SWT1: variants seen among roughly 807,000 people sequenced by gnomAD.
SWT1 encodes the protein transcriptional protein SWT1.
Under a neutral mutation model 107.3 loss-of-function variants are expected in SWT1, and 33 were observed. The ratio of observed to expected loss-of-function variants is 0.31; its 90% confidence interval spans 0.23 to 0.41. The LOEUF is 0.41. Ranked by LOEUF, SWT1 falls within the 10% of genes least tolerant of loss-of-function variation. The pLI is 1.00. For missense variants in SWT1, 898 were observed against 1,028.9 expected (o/e 0.87, Z 1.74); for synonymous variants, 345 against 348.3 (o/e 0.99, Z 0.11).
intron 16 of SWT1, among the ~76,000 whole-genome samples, chr1:185,255,709 A>G (rs1662445853): frequency 7.0e-6 from 1 of 142,698 alleles, no homozygotes; most frequent in Non-Finnish European, 1.5e-5. Context: ...AATACAGCAC[A>G]CTGATGGGTC....
intron 16 of SWT1, among the ~76,000 whole-genome samples, chr1:185,250,239 C>T (rs114581119): frequency 9.2e-5 from 14 of 152,134 alleles, no homozygotes; most frequent in South Asian, 2.1e-4. Context: ...GTGATCTTCT[C>T]GCCTCAGCCT....
intron 13 of SWT1, among the ~76,000 whole-genome samples, chr1:185,213,712 A>G (rs1486071842): frequency 1.3e-5 from 2 of 152,166 alleles, no homozygotes; most frequent in Admixed American, 6.5e-5. Flanking sequence ...TTCTGCTTTA[A>G]TAATGGAAAT....
intron 17 of SWT1, among the ~76,000 whole-genome samples, chr1:185,272,552 A>G (rs1663946203): frequency 6.6e-6 from 1 of 152,212 alleles, no homozygotes; most frequent in Non-Finnish European, 1.5e-5. Flanking sequence ...CTCTGAAGTC[A>G]AACTACCCGT....
At chr1:185,208,078 GA>G (rs1658476795) in intron 13 of SWT1, among the ~76,000 whole-genome samples, 1 of 152,112 alleles carries the variant, frequency 6.6e-6, no homozygotes, top group African/African-American at 2.4e-5. Flanking sequence ...CTGAGTACAA[GA>G]GGGCCGTTAA....
intron 4 of SWT1, chr1:185,171,741 T>G (rs187105768): frequency 2.0e-5 from 9 of 441,760 alleles, no homozygotes; most frequent in Non-Finnish European, 4.0e-5. Flanking sequence ...GGGCATTTTT[T>G]TTTTCTGTTG....
intron 9 of SWT1, among the ~76,000 whole-genome samples, 183 bp downstream of exon 9, chr1:185,185,114 C>T (rs1002916842): frequency 3.9e-5 from 6 of 152,174 alleles, no homozygotes; most frequent in African/African-American, 1.4e-4. Flanking sequence ...TCTGCTTCTC[C>T]TAGACGTTTT....
chr1:185,266,832 T>G (rs1571665224), intron 16 of SWT1, among the ~76,000 whole-genome samples: 1 of 152,364 alleles, frequency 6.6e-6, no homozygotes, highest in East Asian at 1.9e-4. Context: ...GTGTCAGTTC[T>G]GTTAACCAAC....
chr1:185,230,326 C>T (rs1234690889), intron 15 of SWT1, among the ~76,000 whole-genome samples: 2 of 152,168 alleles, frequency 1.3e-5, no homozygotes, highest in Non-Finnish European at 2.9e-5. Flanking sequence ...ACCTGGAGGC[C>T]AAACATTTGA....
intron 7 of SWT1, among the ~76,000 whole-genome samples, chr1:185,182,379 T>C (rs150396455): frequency 6.6e-6 from 1 of 152,276 alleles, no homozygotes; most frequent in East Asian, 1.9e-4. Context: ...TCAGAAATAA[T>C]GCAGAATAGC....
At chr1:185,244,095 A>G (rs1028978452) in intron 16 of SWT1, among the ~76,000 whole-genome samples, 1 of 151,952 alleles carries the variant, frequency 6.6e-6, no homozygotes, top group Non-Finnish European at 1.5e-5. Flanking sequence ...TTTAATATAT[A>G]TAATTCTTTT....
chr1:185,196,133 G>A lies in SWT1; in HGVS notation c.1523+5491G>A, dbSNP rs192691147. On this transcript the variant is annotated intron_variant, in intron 10 of 18. Transcript: ENST00000367500. ...GGGTTTTTATGGTTTTAGGTCTTACGTTTAAGTTTTTAATCCATCTTGAGT... is the reference window on the plus strand; with the variant it reads ...GGGTTTTTATGGTTTTAGGTCTTACATTTAAGTTTTTAATCCATCTTGAGT... Among the ~76,000 whole-genome samples, 21 of 152,138 alleles carry A rather than the reference G, an allele frequency of 1.4e-4. No individual in the cohort carries two copies. In the East Asian group the frequency reaches 2.5e-3, roughly 18 times the overall value.
At chr1:185,169,757 A>T (rs1420098320) in intron 4 of SWT1, among the ~76,000 whole-genome samples, 1 of 151,928 alleles carries the variant, frequency 6.6e-6, no homozygotes, top group Non-Finnish European at 1.5e-5. Context: ...CAGAACTTAA[A>T]TGCTAACTTC....
At position 185,266,271 on chromosome 1, in the gene SWT1, A is replaced by G. The variant is rs1025931531; in HGVS notation, c.2442-5052A>G. ...AGTAGACACGGGGTTTCACCGTGTT[A>G]GCCAGGATGGTCTCGATCTCCTGAC... On this transcript the variant is annotated intron_variant, in intron 16 of 18. Transcript: ENST00000367500. Among the ~76,000 whole-genome samples the G allele has an allele frequency of 1.9e-4, 29 of 152,106 alleles. 1 individual carries two copies. The highest frequency in any genetic ancestry group is 4.1e-4 in the Non-Finnish European group (28 of 68,006).
At chr1:185,259,354 A>G (rs990474921) in intron 16 of SWT1, among the ~76,000 whole-genome samples, 4 of 152,176 alleles carry the variant, frequency 2.6e-5, no homozygotes, top group South Asian at 4.1e-4. Flanking sequence ...GTGCAGGAAT[A>G]AATAGAGAGG....
chr1:185,259,450 G>A (rs907441134), intron 16 of SWT1, among the ~76,000 whole-genome samples: 1 of 152,014 alleles, frequency 6.6e-6, no homozygotes, highest in African/African-American at 2.4e-5. Context: ...GCAAGTTTAG[G>A]AATTTTATTT....
intron 16 of SWT1, among the ~76,000 whole-genome samples, chr1:185,248,999 T>G (rs1258181931): frequency 6.6e-6 from 1 of 152,152 alleles, no homozygotes; most frequent in Non-Finnish European, 1.5e-5. Context: ...TTGTAATGTT[T>G]TGGGAGTTGA....
Position 185,210,419 on chromosome 1 carries a change from C to T in SWT1, c.1972+3656C>T, listed in dbSNP as rs763702504. ...TTGTATAAGGTGTAAGGAAGGGATC[C>T]GGTTTCAGCTTTCTGCATATGGCTA... is the stretch of plus-strand genomic sequence containing the variant. On this transcript the variant is annotated intron_variant, in intron 13 of 18. Coordinates refer to ENST00000367500, the MANE Select transcript of SWT1 (RefSeq NM_017673.7). Among the ~76,000 whole-genome samples, 32 of 152,038 alleles carry T rather than the reference C, an allele frequency of 2.1e-4. 2 individuals are homozygous for T. Among genetic ancestry groups the T allele is most frequent in the African/African-American group, 4.8e-4 (20 of 41,374 alleles).
At chr1:185,255,749 G>A (rs1476252143) in intron 16 of SWT1, among the ~76,000 whole-genome samples, 13 of 148,972 alleles carry the variant, frequency 8.7e-5, no homozygotes, top group African/African-American at 3.2e-4. Flanking sequence ...GCCAGTCTGT[G>A]TCTTTTAATT....
intron 2 of SWT1, among the ~76,000 whole-genome samples, chr1:185,165,973 C>T (rs796098841): frequency 6.6e-6 from 1 of 152,210 alleles, no homozygotes; most frequent in South Asian, 2.1e-4. Context: ...CCCTCTGACT[C>T]CCAGCCTTTT....
Sources: gnomAD v4.1 joint callset for allele counts (sites outside exome capture counted in the v4.1 genomes callset) on GRCh38, gnomAD v4.1.1 for gene constraint, MANE v1.5 for transcripts, NCBI Gene and HGNC (gene_info 2026-07-23, HGNC 2026-07-21) for gene names.